Variants in COL22A1 observed in about 807,000 individuals in gnomAD.
COL22A1 encodes collagen type XXII alpha 1 chain.
COL22A1 carries 221 observed loss-of-function variants against 248.9 expected under a neutral mutation model. That is an observed-to-expected ratio of 0.89 (90% confidence interval 0.80 to 0.99). The LOEUF (loss-of-function observed/expected upper bound fraction) is 0.99. Among genes scored for constraint, COL22A1 ranks in the 50% least tolerant of loss-of-function variants. COL22A1 has a pLI of 0.00. For missense variants in COL22A1, 2,240 were observed against 2,179.0 expected, an observed-to-expected ratio of 1.03 and a Z score of -0.56; for synonymous variants, 891 against 793.4, an observed-to-expected ratio of 1.12 and a Z score of -2.07.
chr8:138,683,581 C>T (rs1273730393), intron 39 of COL22A1, among the ~76,000 whole-genome samples: 1 of 152,134 alleles, frequency 6.6e-6, no homozygotes, highest in African/African-American at 2.4e-5. Flanking sequence ...CCAGGCCTGG[C>T]CCATAAAATC....
Position 138,827,567 on chromosome 8 carries a change from C to T in COL22A1, c.846-786G>A, listed in dbSNP as rs116941847. The stretch of plus-strand genomic sequence containing the variant: ...ACATCCTCTTCTCTCCCACAAGGCC[C>T]AGGTTCCTGCCTGGCCTGTGGAGCC... On this transcript the variant is annotated intron_variant, in intron 5 of 64. Transcript: ENST00000303045. 1.6e-3 allele frequency among the ~76,000 whole-genome samples: 250 copies of T among 152,258 alleles called. 1 individual carries two copies. The highest frequency in any genetic ancestry group is 3.4e-3 in the Middle Eastern group (1 of 294).
intron 41 of COL22A1, among the ~76,000 whole-genome samples, chr8:138,669,187 G>T (rs7388216): frequency 0.076 from 11,611 of 152,216 alleles, 587 homozygotes; most frequent in South Asian, 0.14. Flanking sequence ...AGGGGTCAGA[G>T]GGAACAGACC....
rs765958589 is a variant in COL22A1, at chr8:138,826,735, T to C, written c.892A>G (p.Thr298Ala). The change falls in exon 6 of 65, where the codon ACC (threonine) becomes GCC (alanine). Residue 298 changes from threonine to alanine, a missense_variant. Physicochemically the swap from Thr to Ala is moderately conservative, Grantham distance 58 (BLOSUM62 0). Transcript: ENST00000303045. ...CGAGAGGTTTTCCTGAACCGGAAGG[T>C]TGTGACAAAGGCGTACTCATCAGGT... ...GLPDEYAFVT[T>A]FRFRKTSRKE... is the part of the protein sequence containing the mutation. The C allele has an allele frequency of 1.2e-6, 2 of 1,613,864 alleles. No individual in the cohort carries two copies. Among genetic ancestry groups the C allele is most frequent in the East Asian group, 4.5e-5 (2 of 44,840 alleles).
chr8:138,759,798 GGATTCT>G (rs1833299391), intron 18 of COL22A1, among the ~76,000 whole-genome samples: 1 of 152,036 alleles, frequency 6.6e-6, no homozygotes, highest in African/African-American at 2.4e-5. Flanking sequence ...GGCATTTTCA[GGATTCT>G]GATTCTGATT....
intron 22 of COL22A1, among the ~76,000 whole-genome samples, chr8:138,742,221 A>T (rs1304848749): frequency 1.5e-5 from 2 of 136,744 alleles, no homozygotes; most frequent in Admixed American, 7.3e-5. Context: ...GTGATGGTGG[A>T]GTTGATGGTG....
At chr8:138,763,898 A>G (rs1467617273) in intron 16 of COL22A1, among the ~76,000 whole-genome samples, 1 of 150,906 alleles carries the variant, frequency 6.6e-6, no homozygotes, top group Non-Finnish European at 1.5e-5. Context: ...CTGTACACGC[A>G]CCTCCCCAGT....
At chr8:138,766,057 C>T (rs1407561304) in intron 16 of COL22A1, among the ~76,000 whole-genome samples, 1 of 152,256 alleles carries the variant, frequency 6.6e-6, no homozygotes, top group Non-Finnish European at 1.5e-5. Context: ...CAGACTTCAG[C>T]AAGGGCTGGA....
intron 29 of COL22A1, 119 bp downstream of exon 29, chr8:138,716,108 T>G: frequency 1.3e-6 from 1 of 776,534 alleles, no homozygotes; most frequent in Non-Finnish European, 2.1e-6. Flanking sequence ...CACTGAGAAA[T>G]ACACTCTTCA....
chr8:138,626,372 G>C (rs1314413378), intron 50 of COL22A1, 129 bp from the exon 51 acceptor site: 2 of 773,514 alleles, frequency 2.6e-6, no homozygotes, highest in Non-Finnish European at 4.3e-6. Flanking sequence ...GAGTGCTTCT[G>C]TATCAGCCTC....
At chr8:138,870,565 G>T (rs1476467720) in intron 3 of COL22A1, among the ~76,000 whole-genome samples, 1 of 151,842 alleles carries the variant, frequency 6.6e-6, no homozygotes, top group Non-Finnish European at 1.5e-5. Context: ...GGTGCGTGTG[G>T]TGTGCAGACT....
chr8:138,869,591 C>T (rs543269377), intron 3 of COL22A1, among the ~76,000 whole-genome samples: 3 of 152,332 alleles, frequency 2.0e-5, no homozygotes, highest in African/African-American at 7.2e-5. Flanking sequence ...TTGAAGTACA[C>T]ACATTTAAAA....
chr8:138,598,204 T>G (rs1318049488), intron 61 of COL22A1, among the ~76,000 whole-genome samples: 1 of 151,942 alleles, frequency 6.6e-6, no homozygotes, highest in Non-Finnish European at 1.5e-5. Flanking sequence ...ATCATCACTC[T>G]AAATAAGCCC....
At chr8:138,811,298 T>C (rs999790104) in intron 9 of COL22A1, among the ~76,000 whole-genome samples, 2 of 150,196 alleles carry the variant, frequency 1.3e-5, no homozygotes, top group African/African-American at 2.5e-5. Context: ...CACACACATA[T>C]ATATATACAC....
intron 27 of COL22A1, among the ~76,000 whole-genome samples, chr8:138,717,368 T>C (rs969094478): frequency 1.1e-4 from 17 of 152,072 alleles, no homozygotes; most frequent in Admixed American, 1.1e-3. Flanking sequence ...AGGATGGTCT[T>C]GATCTCCTGA....
chr8:138,784,115 A>G (rs1815287662), intron 12 of COL22A1, among the ~76,000 whole-genome samples: 1 of 152,216 alleles, frequency 6.6e-6, no homozygotes, highest in African/African-American at 2.4e-5. Context: ...TTAGTTGGAG[A>G]ATCAACCTTA....
At chr8:138,625,314 C>T (rs1403043303) in intron 51 of COL22A1, among the ~76,000 whole-genome samples, 1 of 151,894 alleles carries the variant, frequency 6.6e-6, no homozygotes, top group Non-Finnish European at 1.5e-5. Flanking sequence ...GAATTCAGTG[C>T]ATTCTGGGAA....
chr8:138,878,531 G>A (rs1823929288), intron 2 of COL22A1, among the ~76,000 whole-genome samples: 1 of 152,142 alleles, frequency 6.6e-6, no homozygotes, highest in Admixed American at 6.5e-5. Flanking sequence ...AGACTACTGT[G>A]AGGCTCAACT....
At chr8:138,599,500 C>A (rs1817828475) in intron 60 of COL22A1, among the ~76,000 whole-genome samples, 1 of 151,942 alleles carries the variant, frequency 6.6e-6, no homozygotes, top group African/African-American at 2.4e-5. Context: ...CAAAACAAAA[C>A]AAAACAAAAC....
chr8:138,592,567 G>A (rs1038430769), intron 63 of COL22A1, among the ~76,000 whole-genome samples: 3 of 152,160 alleles, frequency 2.0e-5, no homozygotes, highest in African/African-American at 7.2e-5. Flanking sequence ...AGCCTTTCAA[G>A]TAGGAGAAAC....
Sources: gnomAD v4.1 joint callset for allele counts (sites outside exome capture counted in the v4.1 genomes callset) on GRCh38, gnomAD v4.1.1 for gene constraint, MANE v1.5 for transcripts, NCBI Gene and HGNC (gene_info 2026-07-23, HGNC 2026-07-21) for gene names.